Variants in LRRTM4 observed in about 807,000 individuals in gnomAD.
The protein encoded by LRRTM4 is leucine rich repeat transmembrane neuronal 4.
In LRRTM4, 25 loss-of-function variants were observed where a neutral mutation model predicts 47.6. The ratio of observed to expected loss-of-function variants is 0.53; its 90% CI spans 0.38 to 0.73. LRRTM4 has a LOEUF of 0.73. LRRTM4 is among the 30% of genes least tolerant of loss of function. The pLI, the probability that LRRTM4 is intolerant of heterozygous loss-of-function variation, is 0.00. For synonymous variants in LRRTM4, 311 were observed against 269.5 expected (o/e 1.15, Z -1.51); for missense variants, 638 against 713.4 (o/e 0.89, Z 1.20).
At chr2:77,304,535 C>A (rs1403346092) in intron 3 of LRRTM4, among the ~76,000 whole-genome samples, 3 of 151,868 alleles carry the variant, frequency 2.0e-5, no homozygotes, top group Admixed American at 1.3e-4. Context: ...AGTCAGCTGG[C>A]AAACCTGAAA....
intron 3 of LRRTM4, among the ~76,000 whole-genome samples, chr2:77,402,781 A>G (rs1322682831): frequency 6.6e-6 from 1 of 151,882 alleles, no homozygotes; most frequent in East Asian, 1.9e-4. Context: ...CCCCTCAATT[A>G]CTATGTGATC....
At chr2:77,342,246 G>T (rs1054141389) in intron 3 of LRRTM4, among the ~76,000 whole-genome samples, 4 of 151,922 alleles carry the variant, frequency 2.6e-5, no homozygotes, top group Middle Eastern at 3.2e-3. Context: ...TACGTCAGTG[G>T]TTTTCAACCA....
At chr2:77,395,050 G>T (rs1019173575) in intron 3 of LRRTM4, among the ~76,000 whole-genome samples, 2 of 151,944 alleles carry the variant, frequency 1.3e-5, no homozygotes, top group Non-Finnish European at 2.9e-5. Context: ...AAGTGTAAGG[G>T]TGTGTGAATT....
chr2:76,793,093 T>C (rs10178612), intron 3 of LRRTM4, among the ~76,000 whole-genome samples: 16,978 of 152,180 alleles, frequency 0.11, 1,130 homozygotes, highest in Non-Finnish European at 0.15. Context: ...GAAAGTCACA[T>C]AGAACTTGGA....
intron 3 of LRRTM4, among the ~76,000 whole-genome samples, chr2:77,472,724 C>T (rs1412954820): frequency 2.0e-5 from 3 of 152,124 alleles, no homozygotes; most frequent in African/African-American, 7.2e-5. Context: ...AACACCTGCT[C>T]AAGATCAAAC....
chr2:77,448,554 T>A (rs1676140337), intron 3 of LRRTM4, among the ~76,000 whole-genome samples: 1 of 151,946 alleles, frequency 6.6e-6, no homozygotes, highest in Admixed American at 6.6e-5. Flanking sequence ...TCTGATGTGT[T>A]ATAATGGGAG....
At chr2:76,915,097 A>C (rs1303378148) in intron 3 of LRRTM4, among the ~76,000 whole-genome samples, 2 of 152,210 alleles carry the variant, frequency 1.3e-5, no homozygotes, top group Non-Finnish European at 2.9e-5. Context: ...AAAAGGAAGA[A>C]ACAATCTATA....
intron 3 of LRRTM4, among the ~76,000 whole-genome samples, chr2:77,311,319 T>A (rs1393522365): frequency 6.6e-6 from 1 of 152,184 alleles, no homozygotes; most frequent in Non-Finnish European, 1.5e-5. Context: ...AATGCATTTT[T>A]AAAACATTTT....
intron 3 of LRRTM4, among the ~76,000 whole-genome samples, chr2:76,968,229 A>T (rs1162779263): frequency 6.7e-6 from 1 of 149,904 alleles, no homozygotes; most frequent in Non-Finnish European, 1.5e-5. Context: ...AATTAGTGTA[A>T]ATTAAAACAA....
intron 3 of LRRTM4, among the ~76,000 whole-genome samples, chr2:77,368,416 C>T (rs1410871082): frequency 6.6e-6 from 1 of 151,608 alleles, no homozygotes; most frequent in Admixed American, 6.6e-5. Context: ...CCATGAGGTA[C>T]TCCTGAATCC....
At chr2:77,358,900 T>C (rs544728119) in intron 3 of LRRTM4, among the ~76,000 whole-genome samples, 1 of 152,202 alleles carries the variant, frequency 6.6e-6, no homozygotes, top group East Asian at 1.9e-4. Context: ...CATACTCTTT[T>C]ATTTAAATTA....
intron 3 of LRRTM4, among the ~76,000 whole-genome samples, chr2:77,333,540 C>T (rs1006337227): frequency 6.6e-6 from 1 of 152,116 alleles, no homozygotes. Flanking sequence ...GGTGCAAGCC[C>T]CAAGCCTTGG....
At chr2:76,797,262 ATC>A (rs1675386295) in intron 3 of LRRTM4, among the ~76,000 whole-genome samples, 1 of 152,110 alleles carries the variant, frequency 6.6e-6, no homozygotes, top group Non-Finnish European at 1.5e-5. Context: ...CAAACAGCGG[ATC>A]TCTCAGCAGA....
intron 3 of LRRTM4, among the ~76,000 whole-genome samples, chr2:77,085,685 C>T (rs951206619): frequency 1.3e-5 from 2 of 152,096 alleles, no homozygotes; most frequent in Non-Finnish European, 2.9e-5. Context: ...TCCGACTAAA[C>T]AGAACAATCG....
At chr2:77,359,580 T>G (rs978258622) in intron 3 of LRRTM4, among the ~76,000 whole-genome samples, 7 of 152,230 alleles carry the variant, frequency 4.6e-5, no homozygotes, top group Non-Finnish European at 1.5e-5. Context: ...AATATAGTGT[T>G]GTAAATTACA....
intron 3 of LRRTM4, among the ~76,000 whole-genome samples, chr2:77,437,106 C>T (rs182027533): frequency 1.6e-3 from 244 of 152,044 alleles, no homozygotes; most frequent in African/African-American, 5.5e-3. Flanking sequence ...TAAGGGTAGC[C>T]ATTTTAATTA....
intron 3 of LRRTM4, among the ~76,000 whole-genome samples, chr2:77,038,365 T>C (rs1399639732): frequency 6.6e-6 from 1 of 151,648 alleles, no homozygotes; most frequent in Non-Finnish European, 1.5e-5. Flanking sequence ...CATGTTAAGC[T>C]AACTGCAGTC....
At chr2:77,499,844 G>A (rs1177076705) in intron 3 of LRRTM4, among the ~76,000 whole-genome samples, 1 of 151,746 alleles carries the variant, frequency 6.6e-6, no homozygotes, top group African/African-American at 2.4e-5. Context: ...AGTTTGCCTA[G>A]GCTTGATTAA....
At chr2:76,807,918 CCTTTCTTTCCTTTCCTTT>C (rs1479327231) in intron 3 of LRRTM4, among the ~76,000 whole-genome samples, 55 of 116,562 alleles carry the variant, frequency 4.7e-4, no homozygotes, top group Admixed American at 1.4e-3. Context: ...TCTTTTCTTT[CCTTTCTTTCCTTTCCTTT>C]CTTTCTTTCT....
Sources: gnomAD v4.1 joint callset for allele counts (sites outside exome capture counted in the v4.1 genomes callset) on GRCh38, gnomAD v4.1.1 for gene constraint, MANE v1.5 for transcripts, NCBI Gene and HGNC (gene_info 2026-07-23, HGNC 2026-07-21) for gene names.